The following TXNRD1 variants were observed in gnomAD, a reference collection of about 807,000 sequenced individuals.
TXNRD1 encodes the protein thioredoxin reductase 1, cytoplasmic.
A neutral mutation model predicts 80.3 loss-of-function variants in TXNRD1; 57 were observed. The observed-to-expected ratio is 0.71, with a 90% CI of 0.57 to 0.89. TXNRD1 has a LOEUF of 0.89. TXNRD1 is among the 40% of genes least tolerant of loss of function. The probability of loss-of-function intolerance (pLI) is 0.00; values close to 1 mark genes in which losing one functional copy is unlikely to be tolerated. For synonymous variants in TXNRD1, 291 were observed against 285.2 expected (o/e 1.02, Z -0.20); for missense variants, 730 against 803.0 (o/e 0.91, Z 1.10).
intron 3 of TXNRD1, among the ~76,000 whole-genome samples, chr12:104,285,570 C>T (rs546956816): frequency 3.3e-5 from 5 of 152,258 alleles, no homozygotes; most frequent in African/African-American, 1.2e-4. Context: ...TCAAATCAAT[C>T]CTTATTACTT....
chr12:104,244,110 G>A (rs1412470861), intron 1 of TXNRD1, among the ~76,000 whole-genome samples: 1 of 152,170 alleles, frequency 6.6e-6, no homozygotes, highest in Admixed American at 6.5e-5. Flanking sequence ...GGCTGATCAA[G>A]GTTTCTCCAA....
intron 1 of TXNRD1, among the ~76,000 whole-genome samples, chr12:104,220,862 T>C (rs1254160571): frequency 2.6e-5 from 4 of 152,198 alleles, no homozygotes; most frequent in African/African-American, 9.6e-5. Flanking sequence ...GAATATTTCA[T>C]GAATATTCCT....
At chr12:104,265,893 GA>G (rs34390973) in intron 3 of TXNRD1, 161,190 of 565,992 alleles carry the variant, frequency 0.28, 5,419 homozygotes, top group East Asian at 0.41. Flanking sequence ...CGCCCCGGTG[GA>G]AAAAAAAAAA....
chr12:104,278,501 ATT>A (rs34336501), intron 3 of TXNRD1, among the ~76,000 whole-genome samples: 32 of 105,114 alleles, frequency 3.0e-4, no homozygotes, highest in South Asian at 9.5e-4. Flanking sequence ...GCCCAGCCTA[ATT>A]TTTTTTTTTT....
chr12:104,267,645 G>GTGTC (rs1565869947), intron 3 of TXNRD1, among the ~76,000 whole-genome samples: 16 of 103,596 alleles, frequency 1.5e-4, no homozygotes, highest in East Asian at 1.5e-3. Context: ...AGATGTGATG[G>GTGTC]TATCTTTCTT....
intron 8 of TXNRD1, 25 bp downstream of exon 8, chr12:104,319,080 CTTT>C: frequency 8.3e-7 from 1 of 1,211,948 alleles, no homozygotes; most frequent in East Asian, 3.0e-5. Context: ...TCCTGACTAG[CTTT>C]TTTTTTTTCT....
chr12:104,279,836 G>T (rs2033839193), intron 3 of TXNRD1, among the ~76,000 whole-genome samples: 1 of 152,000 alleles, frequency 6.6e-6, no homozygotes, highest in African/African-American at 2.4e-5. Flanking sequence ...AGGCCGAGGA[G>T]GGTGGATCAC....
At chr12:104,344,356 ATTTT>A (rs529954612) in intron 16 of TXNRD1, among the ~76,000 whole-genome samples, 1 of 145,430 alleles carries the variant, frequency 6.9e-6, no homozygotes, top group African/African-American at 2.5e-5. Context: ...AGCTCCAGTG[ATTTT>A]TTTTTTTTTT....
intron 1 of TXNRD1, among the ~76,000 whole-genome samples, chr12:104,220,747 G>T (rs1274395764): frequency 6.7e-6 from 1 of 150,350 alleles, no homozygotes; most frequent in Admixed American, 6.6e-5. Context: ...AAACGGTGGG[G>T]GGGAGGCGGT....
intron 5 of TXNRD1, among the ~76,000 whole-genome samples, chr12:104,312,073 T>C (rs1376562191): frequency 2.6e-5 from 4 of 152,098 alleles, no homozygotes; most frequent in East Asian, 1.9e-4. Context: ...TAAGCAAATA[T>C]ATTTCTTAGT....
rs562831992 is a variant in TXNRD1 at position 104,253,545 on chromosome 12, A to G, written c.243+1867A>G. 6.6e-5 allele frequency among the ~76,000 whole-genome samples: 10 copies of G among 152,272 alleles called. 1 individual carries two copies. The South Asian group carries it at 1.9e-3, about 28-fold the overall frequency. Reference sequence around the variant, plus strand: ...GAGGGCTGGGCATTAGAAATCTGCTATGTAATTCTTGGCCTCTAGGGGCTT... The same window carrying G: ...GAGGGCTGGGCATTAGAAATCTGCTGTGTAATTCTTGGCCTCTAGGGGCTT... On this transcript the variant is annotated intron_variant, in intron 2 of 16. Coordinates refer to ENST00000525566, the MANE Select transcript of TXNRD1 (RefSeq NM_001093771.3).
chr12:104,332,663 C>A (rs898957179), intron 14 of TXNRD1, among the ~76,000 whole-genome samples: 12 of 147,842 alleles, frequency 8.1e-5, no homozygotes, highest in Non-Finnish European at 1.5e-5. Flanking sequence ...GCAGGAGAAT[C>A]GCTTGAACCC....
At chr12:104,265,331 G>A (rs2033455661) in intron 3 of TXNRD1, 5 of 1,608,800 alleles carry the variant, frequency 3.1e-6, no homozygotes, top group Non-Finnish European at 4.2e-6. Context: ...GGCACGCTAC[G>A]AGAGTACAAG....
chr12:104,300,327 G>T (rs1157728896), intron 4 of TXNRD1, among the ~76,000 whole-genome samples: 2 of 152,232 alleles, frequency 1.3e-5, no homozygotes, highest in Non-Finnish European at 2.9e-5. Context: ...AGAGGAAAAA[G>T]GGGAAAGAGG....
intron 13 of TXNRD1, among the ~76,000 whole-genome samples, chr12:104,330,750 CTAATTTTTGT>C (rs1351486995): frequency 6.6e-6 from 1 of 151,992 alleles, no homozygotes; most frequent in Non-Finnish European, 1.5e-5. Context: ...CCACGCCCAG[CTAATTTTTGT>C]ATTTTTTAGT....
rs1332609938 is a variant in TXNRD1, at chr12:104,267,672, TC to T, written c.304+9594del. ...ATCTTTCTTTCTTTCTTTCTTTCTTTCTTTCTTTCTTTCTTTCTTTCTTTCT... is the reference window on the plus strand; with the variant it reads ...ATCTTTCTTTCTTTCTTTCTTTCTTTTTTCTTTCTTTCTTTCTTTCTTTCT... On this transcript the variant is annotated intron_variant, in intron 3 of 16. Transcript: ENST00000525566. Among the ~76,000 whole-genome samples the T allele has an allele frequency of 7.4e-4, 34 of 46,228 alleles. 1 individual carries two copies. Among genetic ancestry groups the T allele is most frequent in the Admixed American group, 9.4e-4 (4 of 4,250 alleles). The allele number at this position is 46,228 out of a possible 152,430, so 30.3% of individuals were successfully genotyped here. A position where few individuals can be genotyped will look rare whatever the true frequency, so the allele number is the denominator to read the frequency against.
At chr12:104,218,996 T>A (rs921625642) in intron 1 of TXNRD1, among the ~76,000 whole-genome samples, 1 of 152,170 alleles carries the variant, frequency 6.6e-6, no homozygotes, top group Admixed American at 6.5e-5. Context: ...TAGATTAGAG[T>A]GCAGTGGCAT....
chr12:104,279,339 G>A (rs1473128733), intron 3 of TXNRD1, among the ~76,000 whole-genome samples: 1 of 152,220 alleles, frequency 6.6e-6, no homozygotes, highest in East Asian at 1.9e-4. Flanking sequence ...TTCATAGGGG[G>A]ATTTGACTTC....
At chr12:104,249,216 G>A (rs533535718) in intron 1 of TXNRD1, among the ~76,000 whole-genome samples, 2 of 152,324 alleles carry the variant, frequency 1.3e-5, no homozygotes, top group African/African-American at 4.8e-5. Flanking sequence ...GTACCTTCTT[G>A]CTGTGTCCTC....
Sources: gnomAD v4.1 joint callset for allele counts (sites outside exome capture counted in the v4.1 genomes callset) on GRCh38, gnomAD v4.1.1 for gene constraint, MANE v1.5 for transcripts, NCBI Gene and HGNC (gene_info 2026-07-23, HGNC 2026-07-21) for gene names.